The following SLC5A8 variants were observed in gnomAD, a reference collection of about 807,000 sequenced individuals.
SLC5A8 encodes solute carrier family 5 member 8.
A neutral mutation model predicts 71.9 loss-of-function variants in SLC5A8; 55 were observed. That is an observed-to-expected ratio of 0.77 (90% confidence interval 0.62 to 0.96). The LOEUF (loss-of-function observed/expected upper bound fraction) is 0.96, where lower values mean the gene tolerates loss of function less well. SLC5A8 is among the 40% of genes least tolerant of loss of function. The probability of loss-of-function intolerance (pLI) is 0.00; values close to 1 mark genes in which losing one functional copy is unlikely to be tolerated. For missense variants in SLC5A8, 701 were observed against 745.3 expected (o/e 0.94, Z 0.69); for synonymous variants, 307 against 276.1 (o/e 1.11, Z -1.11).
intron 14 of SLC5A8, 56 bp from the exon 15 acceptor site, chr12:101,157,457 T>C: frequency 1.3e-6 from 2 of 1,521,072 alleles, no homozygotes; most frequent in Non-Finnish European, 8.8e-7. Context: ...TCTTCATTCA[T>C]GTAATTCTAA....
intron 10 of SLC5A8, among the ~76,000 whole-genome samples, chr12:101,178,348 A>G (rs1194364035): frequency 6.6e-6 from 1 of 152,140 alleles, no homozygotes; most frequent in Non-Finnish European, 1.5e-5. Context: ...AGCTAAAACA[A>G]TTTCGAAAAA....
Position 101,209,826 on chromosome 12 carries a change from C to A in SLC5A8, c.23G>T (p.Gly8Val). The change falls in exon 1 of 15, where the codon GGC becomes GTC. Residue 8 changes from glycine (G) to valine (V), a missense_variant. Transcript: ENST00000536262. The stretch of plus-strand genomic sequence containing the variant: ...CACGTAGTCCCACACCACGAAGGTG[C>A]CGATGCCCCGTGGCGTGTCCATGGC... MDTPRGI[G>V]TFVVWDYVVF... is the part of the protein sequence containing the mutation. The A allele has an allele frequency of 1.9e-6, 3 of 1,573,148 alleles. No individual in the cohort carries two copies. Among genetic ancestry groups the A allele is most frequent in the Non-Finnish European group, 2.6e-6 (3 of 1,157,076 alleles).
intron 1 of SLC5A8, among the ~76,000 whole-genome samples, chr12:101,207,641 A>G (rs1869728882): frequency 6.6e-6 from 1 of 152,136 alleles, no homozygotes; most frequent in African/African-American, 2.4e-5. Context: ...CTCCTGCCAG[A>G]TTCTTCAAAC....
chr12:101,209,049 T>C (rs1006098376), intron 1 of SLC5A8, among the ~76,000 whole-genome samples: 6 of 152,004 alleles, frequency 3.9e-5, no homozygotes, highest in African/African-American at 1.5e-4. Context: ...GAGTACAAAT[T>C]CTTTACCAAC....
At chr12:101,172,800 A>T (rs1017315125) in intron 10 of SLC5A8, among the ~76,000 whole-genome samples, 1 of 152,104 alleles carries the variant, frequency 6.6e-6, no homozygotes, top group Non-Finnish European at 1.5e-5. Context: ...AGCTCAATTA[A>T]CTTCAGGGAC....
chr12:101,157,585 A>C (rs916705090), intron 14 of SLC5A8, among the ~76,000 whole-genome samples, 184 bp from the exon 15 acceptor site: 16 of 152,214 alleles, frequency 1.1e-4, no homozygotes, highest in African/African-American at 3.4e-4. Flanking sequence ...GATACAGGTT[A>C]TCAGAAGATA....
At chr12:101,195,505 T>C (rs1013948167) in intron 3 of SLC5A8, among the ~76,000 whole-genome samples, 10 of 152,158 alleles carry the variant, frequency 6.6e-5, no homozygotes, top group African/African-American at 2.2e-4. Context: ...ATAAACACTC[T>C]ATTTTTATGT....
In SLC5A8 at chr12:101,208,098, GT is replaced by G. The variant is rs1326121403; in HGVS notation, c.351+1399del. ...TTATTTCTTCTCACTATAAGGAGAA[GT>G]AAAAAAAAAAAATGACTGAGAAGTG... On this transcript the variant is annotated intron_variant, in intron 1 of 14. Coordinates refer to ENST00000536262, the MANE Select transcript of SLC5A8 (RefSeq NM_145913.5). Among the ~76,000 whole-genome samples the G allele has an allele frequency of 1.3e-4, 20 of 150,774 alleles. 1 individual carries two copies. In the East Asian group the frequency reaches 2.3e-3, roughly 18 times the overall value.
chr12:101,194,693 T>C lies in SLC5A8; in HGVS notation c.537+402A>G, dbSNP rs1869083969. The stretch of plus-strand genomic sequence containing the variant: ...AGTCTCACTTTGTTGCCCAGGCTGG[T>C]CTCAAATTCCTGGGCTCCAGTGATC... On this transcript the variant is annotated intron_variant, in intron 4 of 14. Coordinates refer to ENST00000536262, the MANE Select transcript of SLC5A8 (RefSeq NM_145913.5). 2.0e-5 allele frequency among the ~76,000 whole-genome samples: 3 copies of C among 152,064 alleles called. No homozygotes were observed. In the South Asian group the frequency reaches 6.2e-4, roughly 32 times the overall value.
intron 11 of SLC5A8, among the ~76,000 whole-genome samples, chr12:101,166,968 T>C (rs1396251103): frequency 1.3e-5 from 2 of 151,842 alleles, no homozygotes; most frequent in African/African-American, 4.8e-5. Flanking sequence ...AATCTGCTGG[T>C]GAAAAACCTG....
chr12:101,164,242 T>C (rs2051748849), intron 12 of SLC5A8, among the ~76,000 whole-genome samples: 1 of 152,144 alleles, frequency 6.6e-6, no homozygotes, highest in South Asian at 2.1e-4. Context: ...TGTCATGAAC[T>C]TCTATGTAAG....
At chr12:101,205,974 A>G (rs1022001465) in intron 1 of SLC5A8, among the ~76,000 whole-genome samples, 3 of 152,224 alleles carry the variant, frequency 2.0e-5, no homozygotes, top group Non-Finnish European at 4.4e-5. Flanking sequence ...GAAGAGTTCC[A>G]GCCCTTGACC....
intron 5 of SLC5A8, 111 bp downstream of exon 5, chr12:101,193,514 C>A (rs931673429): frequency 1.1e-5 from 14 of 1,292,228 alleles, no homozygotes; most frequent in Middle Eastern, 2.7e-4. Context: ...TCTACCACAT[C>A]CTTAGCAATT....
chr12:101,192,937 G>C lies in SLC5A8; in HGVS notation c.692+688C>G, dbSNP rs376556536. Among the ~76,000 whole-genome samples, 4 of 147,714 alleles carry C rather than the reference G, an allele frequency of 2.7e-5. No individual in the cohort carries two copies. In the East Asian group the frequency reaches 5.9e-4, roughly 22 times the overall value. Reference sequence around the variant, plus strand: ...TTTATGGCAGGTGCTAATCCAATATGCTAGTGTTTGTCTCTTAAGAGGCTA... The same window carrying C: ...TTTATGGCAGGTGCTAATCCAATATCCTAGTGTTTGTCTCTTAAGAGGCTA... On this transcript the variant is annotated intron_variant, in intron 5 of 14. Transcript: ENST00000536262.
At chr12:101,192,325 C>T (rs1864546224) in intron 5 of SLC5A8, among the ~76,000 whole-genome samples, 1 of 152,074 alleles carries the variant, frequency 6.6e-6, no homozygotes, top group Non-Finnish European at 1.5e-5. Flanking sequence ...ACACATTGAC[C>T]CTGTCCAATT....
At chr12:101,194,241 C>G (rs1355869571) in intron 4 of SLC5A8, among the ~76,000 whole-genome samples, 1 of 152,138 alleles carries the variant, frequency 6.6e-6, no homozygotes, top group East Asian at 1.9e-4. Flanking sequence ...TACTAGCCAC[C>G]ACAAGAAATT....
chr12:101,170,381 C>G (rs1005202237), intron 10 of SLC5A8, among the ~76,000 whole-genome samples: 5 of 152,072 alleles, frequency 3.3e-5, no homozygotes, highest in Admixed American at 1.3e-4. Context: ...TCCTGACATT[C>G]CATATAAAAT....
intron 2 of SLC5A8, among the ~76,000 whole-genome samples, chr12:101,202,561 A>G (rs193240239): frequency 1.7e-4 from 26 of 152,062 alleles, no homozygotes; most frequent in South Asian, 2.1e-4. Flanking sequence ...AATAAATAAT[A>G]ATAATATAAA....
intron 12 of SLC5A8, among the ~76,000 whole-genome samples, chr12:101,166,212 G>C (rs1430169690): frequency 6.6e-6 from 1 of 152,212 alleles, no homozygotes; most frequent in Non-Finnish European, 1.5e-5. Flanking sequence ...TCTTCATGCA[G>C]CTAAGAGCTG....
Sources: allele counts gnomAD v4.1 joint callset (sites outside exome capture counted in the v4.1 genomes callset), GRCh38; gene constraint gnomAD v4.1.1; transcripts MANE v1.5; gene names NCBI Gene and HGNC (gene_info 2026-07-23, HGNC 2026-07-21).